Variants in PDE10A observed in about 807,000 individuals in gnomAD.
The protein encoded by PDE10A is cAMP and cAMP-inhibited cGMP 3',5'-cyclic phosphodiesterase 10A.
Under a neutral mutation model 97.7 loss-of-function variants are expected in PDE10A, and 39 were observed. The ratio of observed to expected loss-of-function variants is 0.40; its 90% CI spans 0.31 to 0.52. The LOEUF (loss-of-function observed/expected upper bound fraction) is 0.52. Ranked by LOEUF, PDE10A falls within the 20% of genes least tolerant of loss-of-function variation. The probability of loss-of-function intolerance (pLI) is 0.56; values close to 1 mark genes in which losing one functional copy is unlikely to be tolerated. For missense variants in PDE10A, 731 were observed against 1,047.8 expected, an observed-to-expected ratio of 0.70 and a Z score of 4.17; for synonymous variants, 371 against 376.8, an observed-to-expected ratio of 0.98 and a Z score of 0.18.
At chr6:165,946,498 T>TAAAAAAAAAAAAA (rs57063900) in intron 1 of PDE10A, among the ~76,000 whole-genome samples, 1 of 128,520 alleles carries the variant, frequency 7.8e-6, no homozygotes, top group Non-Finnish European at 1.8e-5. Flanking sequence ...TATCTCAAAA[T>TAAAAAAAAAAAAA]AAAAAAAAAA....
intron 1 of PDE10A, among the ~76,000 whole-genome samples, chr6:165,748,059 C>G (rs546921012): frequency 6.6e-6 from 1 of 152,146 alleles, no homozygotes; most frequent in Non-Finnish European, 1.5e-5. Context: ...AAGTCCTACA[C>G]GATCCACCAC....
intron 1 of PDE10A, among the ~76,000 whole-genome samples, chr6:165,876,091 G>T (rs1026105400): frequency 6.6e-6 from 1 of 152,152 alleles, no homozygotes; most frequent in African/African-American, 2.4e-5. Flanking sequence ...GTGAATTAAT[G>T]AATACCACAA....
chr6:165,642,714 G>A (rs1311693092), intron 1 of PDE10A, among the ~76,000 whole-genome samples: 1 of 152,216 alleles, frequency 6.6e-6, no homozygotes, highest in African/African-American at 2.4e-5. Context: ...ACACTCTCAG[G>A]TGGGTGAACG....
intron 1 of PDE10A, among the ~76,000 whole-genome samples, chr6:165,644,801 C>T (rs3008045): frequency 0.21 from 32,668 of 152,140 alleles, 3,846 homozygotes; most frequent in Middle Eastern, 0.39. Context: ...CTGCTGTCTC[C>T]CTGGCACTTG....
chr6:165,605,662 C>A (rs1787172405), intron 1 of PDE10A, among the ~76,000 whole-genome samples: 1 of 152,164 alleles, frequency 6.6e-6, no homozygotes, highest in Non-Finnish European at 1.5e-5. Flanking sequence ...GGAAACCACA[C>A]ACAAACTGTC....
At chr6:165,982,454 C>G (rs1023848283) in intron 1 of PDE10A, among the ~76,000 whole-genome samples, 6 of 152,154 alleles carry the variant, frequency 3.9e-5, no homozygotes, top group African/African-American at 1.2e-4. Flanking sequence ...GAGGTTAAAA[C>G]TAGAAGACAA....
rs182092027 is a variant in PDE10A, at chr6:165,975,966, T to C, written c.-615+11563A>G. Among the ~76,000 whole-genome samples, 7 of 152,364 alleles carry C rather than the reference T, an allele frequency of 4.6e-5. No individual in the cohort carries two copies. The East Asian group carries it at 7.7e-4, about 17-fold the overall frequency. On this transcript the variant is annotated intron_variant, in intron 1 of 19. Coordinates refer to the PDE10A transcript ENST00000366882. ...ACTTCCATGTTGTAATTCTTTTGCA[T>C]TGTATTTTAGACAATCAAATAATGA... is the stretch of plus-strand genomic sequence containing the variant.
At chr6:165,828,401 G>A (rs2128470572) in intron 1 of PDE10A, among the ~76,000 whole-genome samples, 1 of 152,274 alleles carries the variant, frequency 6.6e-6, no homozygotes, top group South Asian at 2.1e-4. Context: ...TAGGGGTGTT[G>A]GGACAGAAGT....
chr6:165,735,586 T>C (rs1195805205), intron 1 of PDE10A, among the ~76,000 whole-genome samples: 1 of 152,124 alleles, frequency 6.6e-6, no homozygotes, highest in African/African-American at 2.4e-5. Context: ...GTCTGAGGGC[T>C]GGGAGCTGCT....
At chr6:165,467,729 T>C (rs1252950979) in intron 3 of PDE10A, among the ~76,000 whole-genome samples, 2 of 152,204 alleles carry the variant, frequency 1.3e-5, no homozygotes, top group Non-Finnish European at 2.9e-5. Context: ...TGAACATTTG[T>C]TGACATGATG....
chr6:165,420,289 C>T (rs929500204), intron 10 of PDE10A, among the ~76,000 whole-genome samples: 3 of 152,136 alleles, frequency 2.0e-5, no homozygotes, highest in African/African-American at 7.2e-5. Flanking sequence ...AGTTGAGTAG[C>T]TGCAAGAGAG....
intron 1 of PDE10A, among the ~76,000 whole-genome samples, chr6:165,688,193 T>A (rs1022057950): frequency 3.3e-5 from 5 of 152,102 alleles, no homozygotes; most frequent in Non-Finnish European, 5.9e-5. Context: ...TGATACAGTT[T>A]AAAAAATCTA....
chr6:165,563,843 A>T (rs1180053001), intron 1 of PDE10A, among the ~76,000 whole-genome samples: 2 of 151,696 alleles, frequency 1.3e-5, no homozygotes, highest in African/African-American at 4.8e-5. Context: ...GTTAGCTGAG[A>T]TCGTGCCACT....
At position 165,410,957 on chromosome 6, in the gene PDE10A, G is replaced by A; in HGVS notation, c.2076+2544C>T. 1.1e-4 allele frequency among the ~76,000 whole-genome samples: 2 copies of A among 18,552 alleles called. 1 individual carries two copies. Among genetic ancestry groups the A allele is most frequent in the East Asian group, 1.2e-3 (2 of 1,644 alleles). The allele number at this position is 18,552 out of a possible 152,430, so 12.2% of individuals were successfully genotyped here. A position where few individuals can be genotyped will look rare whatever the true frequency, so the allele number is the denominator to read the frequency against. The stretch of plus-strand genomic sequence containing the variant: ...CAAAAAAATAGCCGGGCGTGGTGGC[G>A]GTGCCTGTAGTCCCAGCTACTCGGG... On this transcript the variant is annotated intron_variant, in intron 13 of 21. Coordinates refer to ENST00000539869, the MANE Select transcript of PDE10A (RefSeq NM_001385079.1).
At chr6:165,864,598 A>G (rs756963693) in intron 1 of PDE10A, among the ~76,000 whole-genome samples, 21 of 152,360 alleles carry the variant, frequency 1.4e-4, no homozygotes, top group Middle Eastern at 6.8e-3. Flanking sequence ...GTAAATTGTG[A>G]AATATCATAT....
intron 1 of PDE10A, among the ~76,000 whole-genome samples, chr6:165,898,234 A>C (rs994091301): frequency 2.0e-5 from 3 of 152,156 alleles, no homozygotes; most frequent in Admixed American, 6.5e-5. Flanking sequence ...TACACTGAGA[A>C]GGTGGCTGCA....
At chr6:165,870,429 G>T (rs568555214) in intron 1 of PDE10A, among the ~76,000 whole-genome samples, 1 of 152,204 alleles carries the variant, frequency 6.6e-6, no homozygotes, top group Non-Finnish European at 1.5e-5. Flanking sequence ...AGTTAGAATG[G>T]CTACTATCGA....
chr6:165,469,573 T>A (rs1245049893), intron 3 of PDE10A, among the ~76,000 whole-genome samples: 6 of 152,230 alleles, frequency 3.9e-5, no homozygotes, highest in Non-Finnish European at 7.3e-5. Flanking sequence ...TGTAATAAGA[T>A]GAATACGGAC....
chr6:165,901,800 CA>C (rs534835127), intron 1 of PDE10A, among the ~76,000 whole-genome samples: 56 of 142,158 alleles, frequency 3.9e-4, no homozygotes, highest in African/African-American at 5.4e-4. Context: ...AACTCCATCT[CA>C]AAAAAAAAAA....
Sources: allele counts gnomAD v4.1 joint callset (sites outside exome capture counted in the v4.1 genomes callset), GRCh38; gene constraint gnomAD v4.1.1; transcripts MANE v1.5; gene names NCBI Gene and HGNC (gene_info 2026-07-23, HGNC 2026-07-21).